The following ZNF333 variants were observed in gnomAD, a reference collection of about 807,000 sequenced individuals.
The protein encoded by ZNF333 is zinc finger protein 333.
A neutral mutation model predicts 76.1 loss-of-function variants in ZNF333; 61 were observed. The ratio of observed to expected loss-of-function variants is 0.80; its 90% CI spans 0.65 to 0.99. ZNF333 has a LOEUF of 0.99. ZNF333 is among the 50% of genes least tolerant of loss of function. The pLI is 0.00. For missense variants in ZNF333, 717 were observed against 822.4 expected (o/e 0.87, Z 1.57); for synonymous variants, 284 against 305.0 (o/e 0.93, Z 0.72).
exon 12 of ZNF333, chr19:14,733,178 T>C (rs2042692653): frequency 6.6e-6 from 1 of 152,192 alleles, no homozygotes; most frequent in Non-Finnish European, 1.5e-5. Flanking sequence ...TGAACCAGCC[T>C]TAGGCATGGA....
At chr19:14,699,093 G>A in intron 4 of ZNF333, 106 bp from the exon 5 acceptor site, 1 of 826,178 alleles carries the variant, frequency 1.2e-6, no homozygotes, top group South Asian at 1.5e-5. Context: ...AAGCCTATGT[G>A]TGTATAGTGT....
At chr19:14,693,617 G>A (rs1273305668) in intron 2 of ZNF333, 123 bp downstream of exon 2, 9 of 1,234,804 alleles carry the variant, frequency 7.3e-6, no homozygotes, top group Non-Finnish European at 1.0e-5. Context: ...AAGGGTGAGT[G>A]AGGAGCATCC....
At chr19:14,699,117 C>CATATATATGTGA in intron 4 of ZNF333, 82 bp from the exon 5 acceptor site, 4 of 1,059,258 alleles carry the variant, frequency 3.8e-6, no homozygotes, top group Non-Finnish European at 5.9e-6. Context: ...TATATATTCA[C>CATATATATGTGA]ATATATATGT....
At position 14,720,776 on chromosome 19, in the gene ZNF333, T is replaced by C. The variant is rs1279207682; in HGVS notation, c.*1451T>C. ...ATGTGTTTAAAAACCATCTACACAT[T>C]TATAAATGTTGATCTGTGATCTAGC... is the stretch of plus-strand genomic sequence containing the variant. On this transcript the variant is annotated 3_prime_UTR_variant, in exon 12 of 12. Coordinates refer to ENST00000292530, the MANE Select transcript of ZNF333 (RefSeq NM_032433.4). The C allele has an allele frequency of 7.1e-6, 7 of 985,238 alleles. No homozygotes were observed. The East Asian group carries it at 6.8e-4, about 96-fold the overall frequency. The allele number at this position is 985,238 out of a possible 1,614,324, so 61.0% of individuals were successfully genotyped here.
chr19:14,695,590 G>T lies in ZNF333; in HGVS notation c.152G>T (p.Cys51Phe), dbSNP rs1173515578. Residue 51 changes from cysteine to phenylalanine, a missense_variant, in exon 4 of 12, where the codon TGT becomes TTT. Cys to Phe is a radical substitution (Grantham distance 205). Transcript: ENST00000292530. ...GGAACTCCACCATGCAAACCCAGTT[G>T]TGTCTCCCAGCTGGGGCAAAGAGCA... ...SRGTPPCKPS[C>F]VSQLGQRAEP... The T allele has an allele frequency of 6.2e-7, 1 of 1,614,064 alleles. No individual in the cohort carries two copies. Among genetic ancestry groups the T allele is most frequent in the African/African-American group, 1.3e-5 (1 of 74,916 alleles).
At chr19:14,701,160 T>C (rs765296600) in intron 5 of ZNF333, among the ~76,000 whole-genome samples, 3 of 152,236 alleles carry the variant, frequency 2.0e-5, no homozygotes, top group Non-Finnish European at 4.4e-5. Flanking sequence ...GAATGTCTTA[T>C]CAGGGCTGCT....
chr19:14,709,007 GA>G (rs1210860640), intron 7 of ZNF333: 1 of 152,226 alleles, frequency 6.6e-6, no homozygotes, highest in Non-Finnish European at 1.5e-5. Context: ...GAGGTGACTG[GA>G]TCATGGGGGT....
intron 11 of ZNF333, 116 bp from the exon 12 acceptor site, chr19:14,718,112 T>A: frequency 7.2e-7 from 1 of 1,394,202 alleles, no homozygotes; most frequent in South Asian, 1.5e-5. Flanking sequence ...ATGGACTCCA[T>A]AAATGGTAAA....
chr19:14,718,969 AC>A lies in ZNF333; in HGVS notation c.1645del (p.Leu549Ter). The A allele has an allele frequency of 6.2e-7, 1 of 1,612,462 alleles. No homozygotes were observed. Among genetic ancestry groups the A allele is most frequent in the Non-Finnish European group, 8.5e-7 (1 of 1,179,570 alleles). ...CGGTCAGGTCTTGAGTCGTCTTTCA[AC>A]CCTGAAGAGTCACATGCGAACTCAC... ...TCGQVLSRLSTLKSHMRTHTG... is the reference protein window; with the variant it reads ...TCGQVLSRLSXLKSHMRTHTG... On this transcript the variant is annotated frameshift_variant, in exon 12 of 12. Coordinates refer to ENST00000292530, the MANE Select transcript of ZNF333 (RefSeq NM_032433.4). LOFTEE classifies it high-confidence loss of function.
At position 14,718,972 on chromosome 19, in the gene ZNF333, C is replaced by T. The variant is rs2042523344; in HGVS notation, c.1645C>T (p.Leu549=). Residue 549 remains leucine (L), a synonymous_variant, in exon 12 of 12, where the codon CTG becomes TTG. Transcript: ENST00000292530. ...CGQVLSRLST[L]KSHMRTHTGE... The stretch of plus-strand genomic sequence containing the variant: ...TCAGGTCTTGAGTCGTCTTTCAACC[C>T]TGAAGAGTCACATGCGAACTCACAC... 1 of 1,614,094 alleles carries T rather than the reference C, an allele frequency of 6.2e-7. No individual in the cohort carries two copies. The highest frequency in any genetic ancestry group is 8.5e-7 in the Non-Finnish European group (1 of 1,180,018).
Position 14,719,665 on chromosome 19 carries a change from A to C in ZNF333, c.*340A>C. ...TTCTATCTCTCTGGAAGGTTCCTGC[A>C]TGTTATATGGCTATTTCTTAGTTGC... On this transcript the variant is annotated 3_prime_UTR_variant, in exon 12 of 12. Transcript: ENST00000292530. 4 of 1,054,554 alleles carry C rather than the reference A, an allele frequency of 3.8e-6. No homozygotes were observed. In the South Asian group the frequency reaches 1.6e-4, roughly 41 times the overall value. The allele number at this position is 1,054,554 out of a possible 1,614,324, so 65.3% of individuals were successfully genotyped here. A position where few individuals can be genotyped will look rare whatever the true frequency, so the allele number is the denominator to read the frequency against.
Position 14,718,278 on chromosome 19 carries a change from A to G in ZNF333, c.951A>G (p.Lys317=). ...EKLYKYNELE[K]PFNSIEPLFQ... ...TCTATAAATATAATGAACTTGAGAA[A>G]CCTTTTAACAGCATTGAACCACTTT... The change falls in exon 12 of 12, where the codon AAA becomes AAG. Residue 317 remains lysine, a synonymous_variant. Coordinates refer to ENST00000292530, the MANE Select transcript of ZNF333 (RefSeq NM_032433.4). 1 of 1,613,858 alleles carries G rather than the reference A, an allele frequency of 6.2e-7. No individual in the cohort carries two copies. Among genetic ancestry groups the G allele is most frequent in the Non-Finnish European group, 8.5e-7 (1 of 1,179,934 alleles).
chr19:14,705,657 G>C (rs1218941534), intron 6 of ZNF333, among the ~76,000 whole-genome samples: 2 of 152,342 alleles, frequency 1.3e-5, no homozygotes, highest in East Asian at 3.9e-4. Flanking sequence ...ACCAGTACTA[G>C]CCCCTAGCTT....
At position 14,717,750 on chromosome 19, in the gene ZNF333, A is replaced by G; in HGVS notation, c.900+17A>G. ...GTGAAAGGGGTAAGGCTCACCAGGG[A>G]TTATTCATGGTTCTCTATAGTAGGA... On this transcript the variant is annotated intron_variant, in intron 11 of 11. Transcript: ENST00000292530. 1 of 1,610,744 alleles carries G rather than the reference A, an allele frequency of 6.2e-7. No individual in the cohort carries two copies. The highest frequency in any genetic ancestry group is 8.5e-7 in the Non-Finnish European group (1 of 1,176,968).
chr19:14,713,549 C>T (rs925226816), intron 7 of ZNF333, among the ~76,000 whole-genome samples: 4 of 151,966 alleles, frequency 2.6e-5, no homozygotes, highest in Non-Finnish European at 5.9e-5. Flanking sequence ...GAGGGAGACA[C>T]GAAGAGGAGG....
At chr19:14,722,475 G>A (rs2042601541), downstream of ZNF333, among the ~76,000 whole-genome samples, 1 of 152,162 alleles carries the variant, frequency 6.6e-6, no homozygotes, top group South Asian at 2.1e-4. Context: ...TTGTTGTTGA[G>A]TTGTGGAAGT....
chr19:14,697,811 C>T (rs1568525965), intron 4 of ZNF333, among the ~76,000 whole-genome samples: 1 of 152,222 alleles, frequency 6.6e-6, no homozygotes, highest in South Asian at 2.1e-4. Context: ...TACATTCCCA[C>T]CAGCGGAGAT....
In ZNF333 at chr19:14,720,091, C is replaced by T. The variant is rs1210603429; in HGVS notation, c.*766C>T. The T allele has an allele frequency of 1.8e-5, 14 of 790,640 alleles. No homozygotes were observed. The highest frequency in any genetic ancestry group is 2.1e-5 in the Non-Finnish European group (14 of 652,496). 49.0% of individuals were successfully genotyped at this position (790,640 alleles called of 1,614,324 possible). ...ATCCCAGCTACTTGGGAGGCTGAGG[C>T]AGGAGAATTCTTTGAACCCAGGAGG... On this transcript the variant is annotated 3_prime_UTR_variant, in exon 12 of 12. Transcript: ENST00000292530.
In ZNF333 at chr19:14,720,583, C is replaced by T. The variant is rs2042564884; in HGVS notation, c.*1258C>T. 1 of 985,286 alleles carries T rather than the reference C, an allele frequency of 1.0e-6. No individual in the cohort carries two copies. Among genetic ancestry groups the T allele is most frequent in the Non-Finnish European group, 1.2e-6 (1 of 829,922 alleles). The allele number at this position is 985,286 out of a possible 1,614,324, so 61.0% of individuals were successfully genotyped here. A position where few individuals can be genotyped will look rare whatever the true frequency, so the allele number is the denominator to read the frequency against. ...TCCCATACATGAAAAATATGCACTT[C>T]TTACTGGTACAGTTTTCTTTTGTTT... On this transcript the variant is annotated 3_prime_UTR_variant, in exon 12 of 12. Transcript: ENST00000292530.
Sources: gnomAD v4.1 joint callset for allele counts (sites outside exome capture counted in the v4.1 genomes callset) on GRCh38, gnomAD v4.1.1 for gene constraint, MANE v1.5 for transcripts, NCBI Gene and HGNC (gene_info 2026-07-23, HGNC 2026-07-21) for gene names.